The following FBXO15 variants were observed in gnomAD, a reference collection of about 807,000 sequenced individuals.
The protein encoded by FBXO15 is F-box protein 15.
In FBXO15, 30 loss-of-function variants were observed where a neutral mutation model predicts 49.5. The observed-to-expected ratio is 0.61, with a 90% confidence interval of 0.45 to 0.82. FBXO15 has a LOEUF of 0.82. FBXO15 is among the 40% of genes least tolerant of loss of function. The pLI is 0.00. For missense variants in FBXO15, 591 were observed against 631.5 expected (o/e 0.94, Z 0.69); for synonymous variants, 250 against 232.7 (o/e 1.07, Z -0.68).
intron 8 of FBXO15, among the ~76,000 whole-genome samples, chr18:74,100,676 C>A (rs1239803898): frequency 6.6e-6 from 1 of 151,626 alleles, no homozygotes; most frequent in African/African-American, 2.4e-5. Context: ...CAAGATTAAT[C>A]AAGAAGAGAG....
chr18:74,122,311 T>C (rs549289664), intron 8 of FBXO15, among the ~76,000 whole-genome samples: 1 of 152,352 alleles, frequency 6.6e-6, no homozygotes, highest in African/African-American at 2.4e-5. Context: ...TGTCACAGTA[T>C]TGGGTTCCAG....
chr18:74,115,405 G>GA (rs1185019817), intron 8 of FBXO15, among the ~76,000 whole-genome samples: 2 of 151,862 alleles, frequency 1.3e-5, no homozygotes, highest in African/African-American at 2.4e-5. Context: ...AACAGACACT[G>GA]AAAAAAAATC....
chr18:74,128,931 T>C (rs28535817), intron 5 of FBXO15, among the ~76,000 whole-genome samples: 2,461 of 152,276 alleles, frequency 0.016, 84 homozygotes, highest in African/African-American at 0.055. Context: ...TTCCATTTCA[T>C]AGAGGAGAGA....
chr18:74,082,063 TAA>T lies in FBXO15; in HGVS notation c.1139-14_1139-13del, dbSNP rs1568155708. Reference sequence around the variant, plus strand: ...ATTTTCAATATTTCCTGAAAAGATATAAGATTGTTTCAATCACTGTCTTCCAG... The same window carrying T: ...ATTTTCAATATTTCCTGAAAAGATATGATTGTTTCAATCACTGTCTTCCAG... On this transcript the variant is annotated splice_polypyrimidine_tract_variant and intron_variant, in intron 8 of 9. Transcript: ENST00000419743. 3 of 1,608,408 alleles carry T rather than the reference TAA, an allele frequency of 1.9e-6. No individual in the cohort carries two copies. Among genetic ancestry groups the T allele is most frequent in the South Asian group, 2.2e-5 (2 of 89,460 alleles).
chr18:74,090,226 CAGGGTTTTTGTATTCCTCT>C (rs1372699950), intron 8 of FBXO15, among the ~76,000 whole-genome samples: 1 of 152,096 alleles, frequency 6.6e-6, no homozygotes, highest in East Asian at 1.9e-4. Context: ...ATAATAGTCT[CAGGGTTTTTGTATTCCTCT>C]AGGGTCAGTG....
chr18:74,137,323 A>T (rs1053716871), intron 2 of FBXO15, among the ~76,000 whole-genome samples: 6 of 152,248 alleles, frequency 3.9e-5, no homozygotes, highest in African/African-American at 1.4e-4. Flanking sequence ...TTCATTGCAT[A>T]TAATTTTTAT....
At chr18:74,098,657 GGAA>G (rs1160882526) in intron 8 of FBXO15, 1 of 152,142 alleles carries the variant, frequency 6.6e-6, no homozygotes, top group Non-Finnish European at 1.5e-5. Context: ...GGCATTCCTG[GGAA>G]AGAAGAGAAA....
intron 5 of FBXO15, among the ~76,000 whole-genome samples, chr18:74,127,071 A>C (rs1446906963): frequency 6.6e-6 from 1 of 152,252 alleles, no homozygotes; most frequent in Non-Finnish European, 1.5e-5. Flanking sequence ...TTCAACCTAC[A>C]GTGACTTTGC....
chr18:74,112,416 G>A lies in FBXO15; in HGVS notation c.1138+10952C>T, dbSNP rs1206145438. On this transcript the variant is annotated intron_variant, in intron 8 of 9. Coordinates refer to ENST00000419743, the MANE Select transcript of FBXO15 (RefSeq NM_001142958.2). ...AATTAATGCAATCCATCACACAACA[G>A]GCTTAAGAAGAAAAATCACATAAGC... 2.0e-5 allele frequency among the ~76,000 whole-genome samples: 3 copies of A among 151,954 alleles called. No homozygotes were observed. In the East Asian group the frequency reaches 5.8e-4, roughly 29 times the overall value.
chr18:74,104,144 A>G (rs1342155768), intron 8 of FBXO15, among the ~76,000 whole-genome samples: 1 of 152,142 alleles, frequency 6.6e-6, no homozygotes, highest in African/African-American at 2.4e-5. Context: ...AGTGGTAATT[A>G]AAGTATGTAA....
intron 1 of FBXO15, among the ~76,000 whole-genome samples, chr18:74,144,228 T>C (rs567450528): frequency 6.6e-6 from 1 of 152,332 alleles, no homozygotes; most frequent in Non-Finnish European, 1.5e-5. Flanking sequence ...AGTAAATATA[T>C]GCATACAAAG....
At chr18:74,076,834 T>C (rs1235731714) in intron 9 of FBXO15, among the ~76,000 whole-genome samples, 2 of 152,174 alleles carry the variant, frequency 1.3e-5, no homozygotes, top group African/African-American at 4.8e-5. Context: ...TTGCCATCTG[T>C]GCTCCAGCCA....
intron 1 of FBXO15, among the ~76,000 whole-genome samples, chr18:74,146,367 C>G (rs17088848): frequency 0.088 from 13,376 of 152,192 alleles, 1,092 homozygotes; most frequent in African/African-American, 0.21. Flanking sequence ...GCATACATTT[C>G]CAAATCAGCT....
rs185285825 is a variant in FBXO15 at position 74,125,432 on chromosome 18, T to A, written c.912+543A>T. Reference sequence around the variant, plus strand: ...TAACGCCAACTCAGAAACAGATTTGTGAACTACTATCTTAAAATATCAGCC... The same window carrying A: ...TAACGCCAACTCAGAAACAGATTTGAGAACTACTATCTTAAAATATCAGCC... On this transcript the variant is annotated intron_variant, in intron 6 of 9. Coordinates refer to ENST00000419743, the MANE Select transcript of FBXO15 (RefSeq NM_001142958.2). Among the ~76,000 whole-genome samples the A allele has an allele frequency of 1.5e-4, 23 of 152,326 alleles. No individual in the cohort carries two copies. In the East Asian group the frequency reaches 4.2e-3, roughly 28 times the overall value.
At chr18:74,110,350 G>A (rs921432329) in intron 8 of FBXO15, among the ~76,000 whole-genome samples, 3 of 151,400 alleles carry the variant, frequency 2.0e-5, no homozygotes, top group African/African-American at 7.3e-5. Flanking sequence ...CTGGATTTGT[G>A]GTAAATATGG....
At chr18:74,083,605 C>CT in intron 8 of FBXO15, among the ~76,000 whole-genome samples, 1 of 152,360 alleles carries the variant, frequency 6.6e-6, no homozygotes, top group South Asian at 2.1e-4. Context: ...CCAATAACGT[C>CT]TCAGTGGCAA....
chr18:74,135,679 A>T, intron 3 of FBXO15, 83 bp downstream of exon 3: 7 of 1,073,044 alleles, frequency 6.5e-6, no homozygotes, highest in Non-Finnish European at 9.6e-6. Context: ...TTAAATTCTT[A>T]AAAATGGTTA....
chr18:74,124,305 G>C (rs1162650385), intron 7 of FBXO15, among the ~76,000 whole-genome samples, 184 bp downstream of exon 7: 1 of 152,174 alleles, frequency 6.6e-6, no homozygotes, highest in Admixed American at 6.5e-5. Context: ...AATAAATAAA[G>C]CAAATATGTA....
At chr18:74,146,346 C>A (rs974437878) in intron 1 of FBXO15, among the ~76,000 whole-genome samples, 1 of 152,168 alleles carries the variant, frequency 6.6e-6, no homozygotes, top group Non-Finnish European at 1.5e-5. Flanking sequence ...CTTTTCTTTA[C>A]CAAAAATAAT....
Sources: allele counts gnomAD v4.1 joint callset (sites outside exome capture counted in the v4.1 genomes callset), GRCh38; gene constraint gnomAD v4.1.1; transcripts MANE v1.5; gene names NCBI Gene and HGNC (gene_info 2026-07-23, HGNC 2026-07-21).